DLGAP1: variants seen among roughly 807,000 people sequenced by gnomAD.
The protein encoded by DLGAP1 is DLG associated protein 1.
A neutral mutation model predicts 90.8 loss-of-function variants in DLGAP1; 11 were observed. The ratio of observed to expected loss-of-function variants is 0.12; its 90% CI spans 0.08 to 0.20. DLGAP1 has a LOEUF of 0.20. Ranked by LOEUF, DLGAP1 falls within the 10% of genes least tolerant of loss-of-function variation. The probability of loss-of-function intolerance (pLI) is 1.00; values close to 1 mark genes in which losing one functional copy is unlikely to be tolerated. For missense variants in DLGAP1, 1,050 were observed against 1,333.8 expected, an observed-to-expected ratio of 0.79 and a Z score of 3.31; for synonymous variants, 558 against 540.7, an observed-to-expected ratio of 1.03 and a Z score of -0.44.
chr18:3,981,337 G>A (rs886686582), intron 3 of DLGAP1, among the ~76,000 whole-genome samples: 5 of 152,384 alleles, frequency 3.3e-5, no homozygotes, highest in East Asian at 3.9e-4. Flanking sequence ...GTGCCCACAC[G>A]TGAAGTAGGA....
rs1253024725 is a variant in DLGAP1 at position 3,985,104 on chromosome 18, T to C, written c.-73+20012A>G. Among the ~76,000 whole-genome samples the C allele has an allele frequency of 2.0e-5, 3 of 152,202 alleles. No homozygotes were observed. The East Asian group carries it at 5.8e-4, about 29-fold the overall frequency. On this transcript the variant is annotated intron_variant, in intron 3 of 12. Transcript: ENST00000315677. Reference sequence around the variant, plus strand: ...CATCTCATGACTGTGTGAACCCTTATTCAAAGATACCAGCCACATGCATCT... The same window carrying C: ...CATCTCATGACTGTGTGAACCCTTACTCAAAGATACCAGCCACATGCATCT...
At chr18:4,209,635 A>G (rs2077799683) in intron 1 of DLGAP1, among the ~76,000 whole-genome samples, 1 of 152,216 alleles carries the variant, frequency 6.6e-6, no homozygotes, top group Admixed American at 6.5e-5. Context: ...TTTGAGGGGA[A>G]CAAGAACATG....
intron 1 of DLGAP1, among the ~76,000 whole-genome samples, chr18:4,277,441 G>C (rs906955291): frequency 1.3e-5 from 2 of 152,144 alleles, no homozygotes; most frequent in African/African-American, 2.4e-5. Context: ...TTGAACCCAA[G>C]GCTTGTTAGC....
At chr18:4,325,522 T>C (rs2080797982) in intron 1 of DLGAP1, among the ~76,000 whole-genome samples, 1 of 151,996 alleles carries the variant, frequency 6.6e-6, no homozygotes, top group Non-Finnish European at 1.5e-5. Context: ...TAAAAATTCA[T>C]ATGAAACAAA....
In DLGAP1 at chr18:3,814,223, TTCA is replaced by T; in HGVS notation, c.1005_1007del (p.Asp335del). The T allele has an allele frequency of 6.2e-7, 1 of 1,614,182 alleles. No individual in the cohort carries two copies. Among genetic ancestry groups the T allele is most frequent in the Non-Finnish European group, 8.5e-7 (1 of 1,180,028 alleles). ...CACTCCGCATTCTTCGGCATGGAAT[TTCA>T]TCATCTTTACCTCGTGGGGTGTACC... On this transcript the variant is annotated inframe_deletion, in exon 5 of 13. Coordinates refer to ENST00000315677, the MANE Select transcript of DLGAP1 (RefSeq NM_004746.4).
At chr18:4,218,867 A>G (rs1275200947) in intron 1 of DLGAP1, among the ~76,000 whole-genome samples, 2 of 151,644 alleles carry the variant, frequency 1.3e-5, no homozygotes, top group African/African-American at 2.4e-5. Context: ...TTCTTTATCC[A>G]TTAACCCACT....
intron 2 of DLGAP1, among the ~76,000 whole-genome samples, chr18:4,101,973 A>G (rs2075785610): frequency 6.6e-6 from 1 of 151,990 alleles, no homozygotes; most frequent in South Asian, 2.1e-4. Context: ...ACATTAAAGC[A>G]GTCTTTTGTG....
At position 3,502,649 on chromosome 18, in the gene DLGAP1, C is replaced by A; in HGVS notation, c.2572-4G>T. 6.2e-7 allele frequency: 1 copy of A among 1,601,600 alleles called. No homozygotes were observed. Among genetic ancestry groups the A allele is most frequent in the Admixed American group, 1.8e-5 (1 of 56,404 alleles). On this transcript the variant is annotated splice_polypyrimidine_tract_variant and splice_region_variant and intron_variant, in intron 11 of 12. Coordinates refer to ENST00000315677, the MANE Select transcript of DLGAP1 (RefSeq NM_004746.4). ...GTCTTGGATGAGCATTAGGATTCTG[C>A]ACAAGAGAAAGAAAAACATTCATGC...
At chr18:4,221,512 A>C (rs73373078) in intron 1 of DLGAP1, among the ~76,000 whole-genome samples, 9,144 of 152,140 alleles carry the variant, frequency 0.06, 377 homozygotes, top group African/African-American at 0.1. Context: ...AGCAGCTTTT[A>C]GAGTAATTGC....
chr18:4,277,659 T>C lies in DLGAP1; in HGVS notation c.-266-126372A>G, dbSNP rs547427487. 6.6e-5 allele frequency among the ~76,000 whole-genome samples: 10 copies of C among 152,352 alleles called. No individual in the cohort carries two copies. The South Asian group carries it at 2.1e-3, about 32-fold the overall frequency. The stretch of plus-strand genomic sequence containing the variant: ...AAATTGCACTTGTTCTAATTCTCTT[T>C]TTTCGGTTATTTAGTGCAAATTATT... On this transcript the variant is annotated intron_variant, in intron 1 of 12. Transcript: ENST00000315677.
intron 7 of DLGAP1, among the ~76,000 whole-genome samples, chr18:3,635,291 C>A (rs1013071092): frequency 3.9e-5 from 6 of 151,962 alleles, no homozygotes; most frequent in Non-Finnish European, 7.4e-5. Flanking sequence ...CCACCACGCC[C>A]GGCTGATTTT....
chr18:3,516,088 C>T (rs2050829261), intron 10 of DLGAP1, among the ~76,000 whole-genome samples: 1 of 152,186 alleles, frequency 6.6e-6, no homozygotes, highest in Admixed American at 6.5e-5. Flanking sequence ...AAGTCTTGAA[C>T]CCCTCAGTCA....
At chr18:3,587,082 C>T (rs934083445) in intron 7 of DLGAP1, among the ~76,000 whole-genome samples, 2 of 152,176 alleles carry the variant, frequency 1.3e-5, no homozygotes, top group Admixed American at 6.5e-5. Flanking sequence ...TATTTTGAGA[C>T]GGAGTTTCGC....
chr18:3,624,558 A>C (rs1483813759), intron 7 of DLGAP1, among the ~76,000 whole-genome samples: 1 of 152,178 alleles, frequency 6.6e-6, no homozygotes, highest in East Asian at 1.9e-4. Context: ...GAACTGTAGG[A>C]GTAGTTTTGT....
intron 2 of DLGAP1, among the ~76,000 whole-genome samples, chr18:4,030,796 C>T (rs535572013): frequency 6.6e-6 from 1 of 152,128 alleles, no homozygotes; most frequent in African/African-American, 2.4e-5. Flanking sequence ...GTGGCATGTG[C>T]CTGTAGTCCC....
chr18:4,278,764 A>G (rs866152975), intron 1 of DLGAP1, among the ~76,000 whole-genome samples: 3 of 104,334 alleles, frequency 2.9e-5, no homozygotes, highest in Admixed American at 2.6e-4. Context: ...ACACACACAT[A>G]TTTTATCTAA....
chr18:4,377,836 A>G (rs2144280730), intron 1 of DLGAP1, among the ~76,000 whole-genome samples: 1 of 152,146 alleles, frequency 6.6e-6, no homozygotes, highest in African/African-American at 2.4e-5. Context: ...ATTAATAAAG[A>G]GTATGTACCT....
intron 4 of DLGAP1, among the ~76,000 whole-genome samples, chr18:3,854,731 T>C (rs1391981837): frequency 6.6e-6 from 1 of 152,168 alleles, no homozygotes; most frequent in Non-Finnish European, 1.5e-5. Flanking sequence ...CAGTACAGTG[T>C]GGGGAAACCT....
intron 1 of DLGAP1, among the ~76,000 whole-genome samples, chr18:4,309,023 A>C (rs556538042): frequency 2.6e-5 from 4 of 152,362 alleles, no homozygotes; most frequent in Admixed American, 2.0e-4. Context: ...TATTTGATGC[A>C]GTATAAAATA....
Sources: gnomAD v4.1 joint callset for allele counts (sites outside exome capture counted in the v4.1 genomes callset) on GRCh38, gnomAD v4.1.1 for gene constraint, MANE v1.5 for transcripts, NCBI Gene and HGNC (gene_info 2026-07-23, HGNC 2026-07-21) for gene names.